The following CHCHD4 variants were observed in gnomAD, a reference collection of about 807,000 sequenced individuals.
CHCHD4 encodes the protein coiled-coil-helix-coiled-coil-helix domain containing 4, also known as mitochondrial intermembrane space import and assembly protein 40.
Under a neutral mutation model 12.4 loss-of-function variants are expected in CHCHD4, and 7 were observed. The ratio of observed to expected loss-of-function variants is 0.57; its 90% CI spans 0.32 to 1.06. CHCHD4 has a LOEUF of 1.06. Ranked by LOEUF, CHCHD4 falls within the 50% of genes least tolerant of loss-of-function variation. CHCHD4 has a pLI of 0.04. For synonymous variants in CHCHD4, 56 were observed against 58.0 expected (o/e 0.97, Z 0.16); for missense variants, 143 against 175.1 (o/e 0.82, Z 1.03).
chr3:14,121,763 A>T (rs980541064), intron 1 of CHCHD4, among the ~76,000 whole-genome samples: 6 of 152,190 alleles, frequency 3.9e-5, no homozygotes, highest in African/African-American at 1.2e-4. Context: ...GAGTTTGATA[A>T]ATCTGACTGC....
chr3:14,115,362 A>ATTCACT (rs1694866797), intron 2 of CHCHD4, among the ~76,000 whole-genome samples: 6 of 151,278 alleles, frequency 4.0e-5, no homozygotes, highest in African/African-American at 1.2e-4. Flanking sequence ...TAACACTGTG[A>ATTCACT]GGCAAACAAA....
chr3:14,117,974 T>C (rs1392831094), intron 1 of CHCHD4, among the ~76,000 whole-genome samples: 1 of 152,184 alleles, frequency 6.6e-6, no homozygotes, highest in East Asian at 1.9e-4. Context: ...AATGAATAAA[T>C]ACAATAAATT....
At position 14,116,508 on chromosome 3, in the gene CHCHD4, T is replaced by G; in HGVS notation, c.39A>C (p.Ile13=). Residue 13 remains isoleucine (I), a synonymous_variant, in exon 2 of 3, where the codon ATA becomes ATC. Coordinates refer to ENST00000396914, the MANE Select transcript of CHCHD4 (RefSeq NM_001098502.2). The stretch of plus-strand genomic sequence containing the variant: ...TTTCATGATCTTCTTTGGTTACAAA[T>G]ATGATTCGATCCTTCCCTAGTGTTT... ...YCRQEGKDRI[I]FVTKEDHETP... 1 of 1,610,818 alleles carries G rather than the reference T, an allele frequency of 6.2e-7. No homozygotes were observed. The highest frequency in any genetic ancestry group is 2.2e-5 in the East Asian group (1 of 44,854).
chr3:14,123,369 C>T (rs747061818), intron 1 of CHCHD4, among the ~76,000 whole-genome samples: 1 of 152,160 alleles, frequency 6.6e-6, no homozygotes, highest in Non-Finnish European at 1.5e-5. Flanking sequence ...GTGGTGAGGG[C>T]AGAGGACTTT....
chr3:14,113,358 C>G (rs1694842138), intron 2 of CHCHD4, among the ~76,000 whole-genome samples, 164 bp from the exon 3 acceptor site: 1 of 152,220 alleles, frequency 6.6e-6, no homozygotes, highest in Admixed American at 6.5e-5. Context: ...TCCAGCATTC[C>G]TTGGCCCACC....
At chr3:14,113,297 T>C in intron 2 of CHCHD4, 103 bp from the exon 3 acceptor site, 1 of 945,578 alleles carries the variant, frequency 1.1e-6, no homozygotes, top group South Asian at 1.7e-5. Context: ...GAACTATTGT[T>C]GCCTATGGAC....
chr3:14,118,783 T>C (rs1217406114), intron 1 of CHCHD4, among the ~76,000 whole-genome samples: 2 of 152,154 alleles, frequency 1.3e-5, no homozygotes, highest in African/African-American at 2.4e-5. Flanking sequence ...GTTTCCAAAA[T>C]ACTCAAAAGC....
Position 14,112,968 on chromosome 3 carries a change from T to C in CHCHD4, c.348A>G (p.Arg116=), listed in dbSNP as rs1279743710. The C allele has an allele frequency of 1.2e-5, 19 of 1,613,204 alleles. No individual in the cohort carries two copies. The highest frequency in any genetic ancestry group is 1.6e-5 in the Non-Finnish European group (19 of 1,179,592). ...CTGCTTGTTCTGCTGGCTTCTTCTCTCTTTCCTCTTCCTCATCCTCATCCT... is the reference window on the plus strand; with the variant it reads ...CTGCTTGTTCTGCTGGCTTCTTCTCCCTTTCCTCTTCCTCATCCTCATCCT... ...PQEDEDEEEE[R]EKKPAEQAEE... is the part of the protein sequence containing the mutation. The change falls in exon 3 of 3, where the codon AGA becomes AGG. Residue 116 remains arginine, a synonymous_variant. Coordinates refer to ENST00000396914, the MANE Select transcript of CHCHD4 (RefSeq NM_001098502.2).
At chr3:14,117,869 C>T (rs1164114646) in intron 1 of CHCHD4, among the ~76,000 whole-genome samples, 1 of 152,230 alleles carries the variant, frequency 6.6e-6, no homozygotes, top group Non-Finnish European at 1.5e-5. Context: ...CACACCCATA[C>T]TGCCCCGCAC....
chr3:14,116,464 A>C lies in CHCHD4; in HGVS notation c.83T>G (p.Leu28Trp), dbSNP rs1239269488. 6.2e-7 allele frequency: 1 copy of C among 1,613,956 alleles called. No individual in the cohort carries two copies. Among genetic ancestry groups the C allele is most frequent in the Non-Finnish European group, 8.5e-7 (1 of 1,179,814 alleles). ...TGGATCGTTGGGGTCATCAGCCACC[A>C]ATTCTGCACTGCTTGGAGTTTCATG... ...EDHETPSSAE[L>W]VADDPNDPYE... The change falls in exon 2 of 3, where the codon TTG (leucine) becomes TGG (tryptophan). Residue 28 changes from leucine (L) to tryptophan (W), a missense_variant. Physicochemically the swap from Leu to Trp is moderately conservative, Grantham distance 61 (BLOSUM62 -2). Coordinates refer to ENST00000396914, the MANE Select transcript of CHCHD4 (RefSeq NM_001098502.2).
chr3:14,116,620 C>T, intron 1 of CHCHD4, 96 bp from the exon 2 acceptor site: 7 of 859,848 alleles, frequency 8.1e-6, no homozygotes, highest in South Asian at 6.7e-5. Context: ...AGTTTGAAGA[C>T]TCTCCCATAT....
At chr3:14,124,574 G>C in intron 1 of CHCHD4, 81 bp downstream of exon 1, 1 of 1,337,758 alleles carries the variant, frequency 7.5e-7, no homozygotes, top group Non-Finnish European at 9.8e-7. Flanking sequence ...CCCGCGCCCG[G>C]CGTGGTCGCG....
At chr3:14,123,265 CTTGT>C (rs1050414927) in intron 1 of CHCHD4, among the ~76,000 whole-genome samples, 1 of 152,126 alleles carries the variant, frequency 6.6e-6, no homozygotes, top group Non-Finnish European at 1.5e-5. Context: ...AGAGGAGGGT[CTTGT>C]TTATCAGCAC....
rs1574934475 is a variant in CHCHD4, at chr3:14,124,814, C to A, written c.-138G>T. ...CCCGCCCCCTCCCAGGCCTGCCCGC[C>A]GCGCGCCTGCCTCGGCGCCCTCGCA... is the stretch of plus-strand genomic sequence containing the variant. On this transcript the variant is annotated 5_prime_UTR_variant, in exon 1 of 3. Transcript: ENST00000396914. 1 of 1,063,490 alleles carries A rather than the reference C, an allele frequency of 9.4e-7. No individual in the cohort carries two copies. Among genetic ancestry groups the A allele is most frequent in the Non-Finnish European group, 1.3e-6 (1 of 758,382 alleles). The allele number at this position is 1,063,490 out of a possible 1,614,324, so 65.9% of individuals were successfully genotyped here.
intron 1 of CHCHD4, among the ~76,000 whole-genome samples, chr3:14,117,770 T>A (rs1045593706): frequency 6.6e-6 from 1 of 152,160 alleles, no homozygotes. Flanking sequence ...CCCCTTTTAA[T>A]GGTGGTGAGC....
chr3:14,122,817 A>G (rs1231205191), intron 1 of CHCHD4, among the ~76,000 whole-genome samples: 1 of 152,170 alleles, frequency 6.6e-6, no homozygotes, highest in African/African-American at 2.4e-5. Context: ...TCAGGAGGTG[A>G]TATTGGAGCT....
chr3:14,122,543 A>G (rs1694946690), intron 1 of CHCHD4, among the ~76,000 whole-genome samples: 2 of 152,228 alleles, frequency 1.3e-5, no homozygotes, highest in South Asian at 4.1e-4. Flanking sequence ...CAAACCAACG[A>G]GTTTAACCTG....
At chr3:14,115,687 G>A (rs1336577079) in intron 2 of CHCHD4, among the ~76,000 whole-genome samples, 2 of 152,206 alleles carry the variant, frequency 1.3e-5, no homozygotes, top group Non-Finnish European at 1.5e-5. Flanking sequence ...CCATATTCTC[G>A]AGGCGGCTGC....
At position 14,124,644 on chromosome 3, in the gene CHCHD4, G is replaced by A. The variant is rs1341993492; in HGVS notation, c.22+11C>T. ...CGTAGGCCGGTCTCCGTGGCAGCCC[G>A]CCCTCCCTACCTTCCTGCCGGCAAT... On this transcript the variant is annotated intron_variant, in intron 1 of 2. Transcript: ENST00000396914. The A allele has an allele frequency of 2.0e-6, 3 of 1,513,280 alleles. No individual in the cohort carries two copies. The highest frequency in any genetic ancestry group is 1.8e-6 in the Non-Finnish European group (2 of 1,132,896). 93.7% of individuals were successfully genotyped at this position (1,513,280 alleles called of 1,614,324 possible).
Sources: allele counts gnomAD v4.1 joint callset (sites outside exome capture counted in the v4.1 genomes callset), GRCh38; gene constraint gnomAD v4.1.1; transcripts MANE v1.5; gene names NCBI Gene and HGNC (gene_info 2026-07-23, HGNC 2026-07-21).